The following ATL1 variants were observed in gnomAD, a reference collection of about 807,000 sequenced individuals.
The protein encoded by ATL1 is atlastin-1.
A neutral mutation model predicts 75.5 loss-of-function variants in ATL1; 31 were observed. The observed-to-expected ratio is 0.41, with a 90% CI of 0.31 to 0.55. The LOEUF is 0.55. ATL1 is among the 20% of genes least tolerant of loss of function. ATL1 has a pLI of 0.27. For synonymous variants in ATL1, 226 were observed against 233.3 expected (o/e 0.97, Z 0.28); for missense variants, 405 against 662.6 (o/e 0.61, Z 4.27).
At chr14:50,553,682 C>T (rs1348399281) in intron 1 of ATL1, among the ~76,000 whole-genome samples, 2 of 152,090 alleles carry the variant, frequency 1.3e-5, no homozygotes, top group African/African-American at 4.8e-5. Context: ...TTCACAATTA[C>T]AAAGATATGG....
chr14:50,607,559 G>A (rs2039327120), intron 6 of ATL1, among the ~76,000 whole-genome samples: 1 of 151,956 alleles, frequency 6.6e-6, no homozygotes, highest in African/African-American at 2.4e-5. Flanking sequence ...TTTTTGTGTG[G>A]GTTGTTGATT....
In ATL1 at chr14:50,625,033, G is replaced by GC. The variant is rs566408526; in HGVS notation, c.1119+1786dup. On this transcript the variant is annotated intron_variant, in intron 11 of 13. Transcript: ENST00000358385. ...TGCAATGAGCCAAGATCGCACCACT[G>GC]CACTGCACTCCAGCCTGGGGGACTG... Among the ~76,000 whole-genome samples the GC allele has an allele frequency of 6.2e-3, 935 of 150,800 alleles. 3 individuals are homozygous for GC. The highest frequency in any genetic ancestry group is 0.024 in the Middle Eastern group (7 of 286).
chr14:50,565,096 G>A (rs952003385), intron 1 of ATL1, among the ~76,000 whole-genome samples: 4 of 152,014 alleles, frequency 2.6e-5, no homozygotes, highest in African/African-American at 9.7e-5. Context: ...AGACCAGCCT[G>A]GGTAACACGG....
intron 1 of ATL1, 28 bp downstream of exon 1, chr14:50,560,327 C>T: frequency 6.2e-7 from 1 of 1,612,590 alleles, no homozygotes; most frequent in Non-Finnish European, 8.5e-7. Flanking sequence ...ACTTCTGCAG[C>T]CTGCACGGGG....
At chr14:50,550,883 G>A (rs1484632289) in intron 1 of ATL1, among the ~76,000 whole-genome samples, 1 of 152,010 alleles carries the variant, frequency 6.6e-6, no homozygotes, top group Non-Finnish European at 1.5e-5. Flanking sequence ...AAACCGCTGG[G>A]ATACAGAAAA....
intron 5 of ATL1, among the ~76,000 whole-genome samples, chr14:50,595,158 C>A (rs1205081586): frequency 2.6e-5 from 4 of 151,982 alleles, no homozygotes; most frequent in Non-Finnish European, 5.9e-5. Flanking sequence ...GTAAATATAT[C>A]CTACATAGTT....
At chr14:50,617,716 A>T (rs779181252) in intron 8 of ATL1, among the ~76,000 whole-genome samples, 13 of 152,230 alleles carry the variant, frequency 8.5e-5, no homozygotes, top group Non-Finnish European at 1.6e-4. Context: ...GAAGAAAATT[A>T]CTGAACATAA....
intron 1 of ATL1, among the ~76,000 whole-genome samples, chr14:50,552,250 C>T (rs2038711768): frequency 1.3e-5 from 2 of 150,656 alleles, no homozygotes; most frequent in South Asian, 4.3e-4. Flanking sequence ...GTACTCAATC[C>T]CTTTTACAAC....
chr14:50,611,034 G>A (rs931597925), intron 6 of ATL1, among the ~76,000 whole-genome samples: 3 of 151,904 alleles, frequency 2.0e-5, no homozygotes, highest in African/African-American at 7.3e-5. Flanking sequence ...GCCCATTCCT[G>A]GAAATTTCCT....
rs78290494 is a variant in ATL1, at chr14:50,597,278, A to G, written c.630+1646A>G. 2.5e-3 allele frequency among the ~76,000 whole-genome samples: 376 copies of G among 152,020 alleles called. 2 individuals are homozygous for G. Among genetic ancestry groups the G allele is most frequent in the African/African-American group, 8.7e-3 (359 of 41,452 alleles). The stretch of plus-strand genomic sequence containing the variant: ...ACAGACAAAACCTAATGAAAATAAG[A>G]AAGAACATTTATAAAAGCTATATGT... On this transcript the variant is annotated intron_variant, in intron 6 of 13. Coordinates refer to ENST00000358385, the MANE Select transcript of ATL1 (RefSeq NM_015915.5).
At chr14:50,616,551 T>C (rs2039418168) in intron 8 of ATL1, among the ~76,000 whole-genome samples, 1 of 151,970 alleles carries the variant, frequency 6.6e-6, no homozygotes, top group African/African-American at 2.4e-5. Context: ...GGTCTTGAAC[T>C]CCTGGCCTCA....
At chr14:50,616,512 G>T (rs1441891692) in intron 8 of ATL1, among the ~76,000 whole-genome samples, 1 of 150,800 alleles carries the variant, frequency 6.6e-6, no homozygotes, top group Non-Finnish European at 1.5e-5. Context: ...ATTTTGCAGA[G>T]ATGGGGGTTT....
chr14:50,614,097 A>T (rs939580858), intron 7 of ATL1, among the ~76,000 whole-genome samples: 9 of 151,978 alleles, frequency 5.9e-5, no homozygotes, highest in Non-Finnish European at 1.3e-4. Context: ...CCAGATTAAA[A>T]CCCCACTAAT....
rs143038913 is a variant in ATL1 at position 50,628,170 on chromosome 14, A to G, written c.1259A>G (p.Gln420Arg). 5.0e-6 allele frequency: 8 copies of G among 1,614,214 alleles called. No individual in the cohort carries two copies. The highest frequency in any genetic ancestry group is 6.8e-6 in the Non-Finnish European group (8 of 1,180,038). Residue 420 changes from glutamine to arginine, a missense_variant, in exon 12 of 14, where the codon CAG becomes CGG. By Grantham distance (43) the Gln-to-Arg change is conservative. This residue lies in a region of ATL1 where 163 missense variants were observed against 244.1 expected (regional missense o/e 0.67). Coordinates refer to ENST00000358385, the MANE Select transcript of ATL1 (RefSeq NM_015915.5). The stretch of plus-strand genomic sequence containing the variant: ...GAATTTAGCCGGCGTTACCTGCAGC[A>G]GTTGGAGAGTGAAATAGATGAACTT... Reference protein sequence around the residue: ...GEEFSRRYLQQLESEIDELYI... With the variant: ...GEEFSRRYLQRLESEIDELYI...
intron 5 of ATL1, among the ~76,000 whole-genome samples, chr14:50,594,571 A>G (rs1477981886): frequency 2.0e-5 from 3 of 152,232 alleles, no homozygotes; most frequent in Admixed American, 1.3e-4. Context: ...AGGAGCAGAA[A>G]CAAAGAAGCA....
At chr14:50,608,357 AC>A (rs2039333900) in intron 6 of ATL1, among the ~76,000 whole-genome samples, 1 of 152,050 alleles carries the variant, frequency 6.6e-6, no homozygotes, top group African/African-American at 2.4e-5. Flanking sequence ...ATTCATGAGA[AC>A]CAATTATTAA....
intron 1 of ATL1, among the ~76,000 whole-genome samples, chr14:50,566,735 T>C (rs2038907250): frequency 6.6e-6 from 1 of 152,316 alleles, no homozygotes; most frequent in African/African-American, 2.4e-5. Context: ...GATTGTCTTA[T>C]AGATCTCTTT....
chr14:50,632,076 T>G (rs2039586913), intron 13 of ATL1, 153 bp from the exon 14 acceptor site: 1 of 539,874 alleles, frequency 1.9e-6, no homozygotes, highest in African/African-American at 1.9e-5. Flanking sequence ...TTGAAAATAC[T>G]TTTGAATTTT....
At chr14:50,593,577 T>A (rs2039183865) in intron 4 of ATL1, among the ~76,000 whole-genome samples, 1 of 152,236 alleles carries the variant, frequency 6.6e-6, no homozygotes, top group Non-Finnish European at 1.5e-5. Flanking sequence ...ACTAATTGCA[T>A]AAATTAGGTT....
Sources: gnomAD v4.1 joint callset for allele counts (sites outside exome capture counted in the v4.1 genomes callset) on GRCh38, gnomAD v4.1.1 for gene constraint, gnomAD v4.1.1 regional missense constraint, MANE v1.5 for transcripts, NCBI Gene and HGNC (gene_info 2026-07-23, HGNC 2026-07-21) for gene names.